Variants in C7 observed in about 807,000 individuals in gnomAD.
C7 encodes complement component C7.
In C7, 83 loss-of-function variants were observed where a neutral mutation model predicts 104.8. That is an observed-to-expected ratio of 0.79 (90% CI 0.66 to 0.95). The LOEUF is 0.95. C7 is among the 40% of genes least tolerant of loss of function. The pLI, the probability that C7 is intolerant of heterozygous loss-of-function variation, is 0.00. For synonymous variants in C7, 415 were observed against 360.6 expected (o/e 1.15, Z -1.71); for missense variants, 1,070 against 1,011.2 (o/e 1.06, Z -0.79).
intron 15 of C7, among the ~76,000 whole-genome samples, chr5:40,975,722 C>A (rs771960148): frequency 2.6e-4 from 40 of 152,152 alleles, no homozygotes; most frequent in Non-Finnish European, 5.4e-4. Context: ...GGCAGGCATA[C>A]TTCACATTGC....
intron 7 of C7, among the ~76,000 whole-genome samples, chr5:40,945,847 G>C (rs1483357570): frequency 6.9e-6 from 1 of 145,502 alleles, no homozygotes; most frequent in Non-Finnish European, 1.5e-5. Context: ...CTGGGCAACA[G>C]AGTGAGACCC....
intron 1 of C7, among the ~76,000 whole-genome samples, chr5:40,921,341 A>C (rs373775836): frequency 6.6e-6 from 1 of 152,190 alleles, no homozygotes; most frequent in East Asian, 1.9e-4. Flanking sequence ...TCCCATGCTC[A>C]TGGATTGGAA....
chr5:40,920,777 G>C (rs1355215082), intron 1 of C7, among the ~76,000 whole-genome samples: 2 of 152,130 alleles, frequency 1.3e-5, no homozygotes, highest in Non-Finnish European at 2.9e-5. Context: ...GGCTGGGCAT[G>C]GTGGCTCATG....
At chr5:40,910,115 G>A (rs1447964299) in intron 1 of C7, among the ~76,000 whole-genome samples, 3 of 151,834 alleles carry the variant, frequency 2.0e-5, no homozygotes, top group African/African-American at 4.8e-5. Context: ...TCAGCATTGT[G>A]AGAATAGAAG....
At chr5:40,964,685 T>C in intron 13 of C7, 56 bp from the exon 14 acceptor site, 1 of 1,508,452 alleles carries the variant, frequency 6.6e-7, no homozygotes, top group Non-Finnish European at 9.2e-7. Flanking sequence ...AAAGAAACGT[T>C]TTGTTAATGC....
intron 14 of C7, among the ~76,000 whole-genome samples, chr5:40,970,391 G>T (rs1740673270): frequency 6.6e-6 from 1 of 151,644 alleles, no homozygotes; most frequent in African/African-American, 2.4e-5. Context: ...CTTTTTCTCT[G>T]TTCTTTTTTG....
At position 40,947,761 on chromosome 5, in the gene C7, G is replaced by C; in HGVS notation, c.898G>C (p.Gly300Arg). 6.2e-7 allele frequency: 1 copy of C among 1,613,630 alleles called. No individual in the cohort carries two copies. The highest frequency in any genetic ancestry group is 1.7e-5 in the Admixed American group (1 of 59,986). The change falls in exon 8 of 18, where the codon GGG becomes CGG. Residue 300 changes from glycine (G) to arginine (R), a missense_variant. Coordinates refer to ENST00000313164, the MANE Select transcript of C7 (RefSeq NM_000587.4). ...SAYRRLIDQYGTHYLQSGSLG... is the reference protein window; with the variant it reads ...SAYRRLIDQYRTHYLQSGSLG... ...CTACCGAAGATTAATCGACCAGTAC[G>C]GGACACATTATCTGCAATCTGGGTC...
chr5:40,942,067 G>A (rs149231204), intron 6 of C7, among the ~76,000 whole-genome samples: 11 of 152,318 alleles, frequency 7.2e-5, no homozygotes, highest in Admixed American at 1.3e-4. Context: ...ATGATGTTGA[G>A]AGAAGTGTTC....
At chr5:40,955,990 C>A (rs369821876) in intron 10 of C7, among the ~76,000 whole-genome samples, 1 of 151,938 alleles carries the variant, frequency 6.6e-6, no homozygotes, top group East Asian at 1.9e-4. Flanking sequence ...AGTTGGCTGG[C>A]AGAATTTTAA....
rs185294485 is a variant in C7, at chr5:40,946,063, A to G, written c.738+695A>G. On this transcript the variant is annotated intron_variant, in intron 7 of 17. Coordinates refer to ENST00000313164, the MANE Select transcript of C7 (RefSeq NM_000587.4). ...CTGGTGATACTATTTTAAGTGTCAT[A>G]TACAATTTTAAAAAATCTAATTAAT... Among the ~76,000 whole-genome samples, 222 of 151,854 alleles carry G rather than the reference A, an allele frequency of 1.5e-3. 2 individuals carry two copies. The highest frequency in any genetic ancestry group is 4.9e-3 in the African/African-American group (202 of 41,506).
In C7 at chr5:40,958,262, G is replaced by A; in HGVS notation, c.1489+1G>A. The A allele has an allele frequency of 1.3e-6, 2 of 1,580,572 alleles. No individual in the cohort carries two copies. Among genetic ancestry groups the A allele is most frequent in the African/African-American group, 1.3e-5 (1 of 74,260 alleles). On this transcript the variant is annotated splice_donor_variant, in intron 11 of 17. Coordinates refer to ENST00000313164, the MANE Select transcript of C7 (RefSeq NM_000587.4). LOFTEE classifies it high-confidence loss of function. ...GGAGTCCTCGTAGGGAATCAAGCAGGTCAGTGGGGTGAATTTTCTCTAGCC... is the reference window on the plus strand; with the variant it reads ...GGAGTCCTCGTAGGGAATCAAGCAGATCAGTGGGGTGAATTTTCTCTAGCC...
chr5:40,947,097 A>ATT (rs70988819), intron 7 of C7, among the ~76,000 whole-genome samples: 6 of 127,166 alleles, frequency 4.7e-5, no homozygotes, highest in African/African-American at 1.2e-4. Flanking sequence ...CATTACTCAG[A>ATT]TTTTTTTTTT....
rs779532315 is a variant in C7 at position 40,982,436 on chromosome 5, G to A, written c.*863G>A. ...TGGGATTACAGACATGAACCACCAC[G>A]CCTGGCTGGAATACTTACTCTTGTC... On this transcript the variant is annotated 3_prime_UTR_variant, in exon 18 of 18. Coordinates refer to ENST00000313164, the MANE Select transcript of C7 (RefSeq NM_000587.4). 2.0e-5 allele frequency: 3 copies of A among 152,264 alleles called. No homozygotes were observed. The highest frequency in any genetic ancestry group is 4.4e-5 in the Non-Finnish European group (3 of 68,052). The allele number at this position is 152,264 out of a possible 1,614,324, so 9.4% of individuals were successfully genotyped here. A position where few individuals can be genotyped will look rare whatever the true frequency, so the allele number is the denominator to read the frequency against.
chr5:40,951,781 T>A (rs1464343149), intron 9 of C7, among the ~76,000 whole-genome samples: 1 of 152,142 alleles, frequency 6.6e-6, no homozygotes, highest in African/African-American at 2.4e-5. Flanking sequence ...GTGTCATGGT[T>A]CTCAGTGAAG....
chr5:40,928,683 GTT>G, intron 2 of C7, 48 bp downstream of exon 2: 1 of 1,224,162 alleles, frequency 8.2e-7, no homozygotes, highest in Non-Finnish European at 1.2e-6. Flanking sequence ...TTTAAAAAAT[GTT>G]TTAGTAATTC....
chr5:40,949,954 G>T lies in C7; in HGVS notation c.1033G>T (p.Val345Phe), dbSNP rs775296517. Residue 345 changes from valine (V) to phenylalanine (F), a missense_variant, in exon 9 of 18, where the codon GTC (valine) becomes TTC (phenylalanine). By Grantham distance (50) the Val-to-Phe change is conservative. Transcript: ENST00000313164. ...ATGTAAATCCTCAGGTTGGCATTTT[G>T]TCGTTAAATTTTCAAGTCATGGATG... ...KKCKSSGWHFVVKFSSHGCKE... is the reference protein window; with the variant it reads ...KKCKSSGWHFFVKFSSHGCKE... The T allele has an allele frequency of 6.2e-7, 1 of 1,601,432 alleles. No individual in the cohort carries two copies. Among genetic ancestry groups the T allele is most frequent in the Non-Finnish European group, 8.5e-7 (1 of 1,173,518 alleles).
At chr5:40,958,292 T>G (rs1290792576) in intron 11 of C7, 31 bp downstream of exon 11, 1 of 1,373,132 alleles carries the variant, frequency 7.3e-7, no homozygotes, top group African/African-American at 1.4e-5. Flanking sequence ...CTAGCCACCC[T>G]GTACACATTG....
chr5:40,936,882 G>A (rs1046649688), intron 5 of C7, among the ~76,000 whole-genome samples: 5 of 152,150 alleles, frequency 3.3e-5, no homozygotes, highest in African/African-American at 1.2e-4. Flanking sequence ...AGGATGAGAA[G>A]AGAGACAGAA....
chr5:40,945,613 C>T (rs889233262), intron 7 of C7, among the ~76,000 whole-genome samples: 1 of 151,998 alleles, frequency 6.6e-6, no homozygotes, highest in Non-Finnish European at 1.5e-5. Context: ...AATCCCAGCA[C>T]TTTGGGAGGC....
Sources: gnomAD v4.1 joint callset for allele counts (sites outside exome capture counted in the v4.1 genomes callset) on GRCh38, gnomAD v4.1.1 for gene constraint, MANE v1.5 for transcripts, NCBI Gene and HGNC (gene_info 2026-07-23, HGNC 2026-07-21) for gene names.